PIK3C2G: variants seen among roughly 807,000 people sequenced by gnomAD.
PIK3C2G encodes the protein phosphatidylinositol-4-phosphate 3-kinase catalytic subunit type 2 gamma, also known as phosphatidylinositol 3-kinase C2 domain-containing subunit gamma.
Under a neutral mutation model 181.1 loss-of-function variants are expected in PIK3C2G, and 168 were observed. That is an observed-to-expected ratio of 0.93 (90% confidence interval 0.82 to 1.05). PIK3C2G has a LOEUF of 1.05. Among genes scored for constraint, PIK3C2G ranks in the 50% least tolerant of loss-of-function variants. PIK3C2G has a pLI of 0.00. For synonymous variants in PIK3C2G, 573 were observed against 592.2 expected, an observed-to-expected ratio of 0.97 and a Z score of 0.47; for missense variants, 1,869 against 1,732.8, an observed-to-expected ratio of 1.08 and a Z score of -1.40.
Position 18,277,025 on chromosome 12 carries a change from C to T in PIK3C2G, c.-78-4979C>T, listed in dbSNP as rs570462965. ...TAAAGATTAATGTTTTCCCCAAGCA[C>T]CTCTTGTCTTCACTTAAATAAAAAT... On this transcript the variant is annotated intron_variant, in intron 1 of 32. Transcript: ENST00000538779. Among the ~76,000 whole-genome samples the T allele has an allele frequency of 1.7e-4, 26 of 152,170 alleles. No individual in the cohort carries two copies. In the South Asian group the frequency reaches 5.4e-3, roughly 32 times the overall value.
the PIK3C2G span, among the ~76,000 whole-genome samples, chr12:18,697,556 G>A: frequency 6.6e-6 from 1 of 152,032 alleles, no homozygotes; most frequent in African/African-American, 2.4e-5. Flanking sequence ...AAATAAACAT[G>A]TTTGTTATTA....
upstream of PIK3C2G, among the ~76,000 whole-genome samples, chr12:18,243,192 T>TTGTG (rs1161015726): frequency 9.4e-6 from 1 of 106,236 alleles, no homozygotes; most frequent in African/African-American, 3.9e-5. Context: ...TATAAAGTCT[T>TTGTG]TCTGTGTGTG....
intron 16 of PIK3C2G, among the ~76,000 whole-genome samples, chr12:18,402,501 G>A (rs2138145958): frequency 6.6e-6 from 1 of 152,202 alleles, no homozygotes; most frequent in Admixed American, 6.5e-5. Context: ...AAATGGGGTG[G>A]ATTGTATGGT....
At chr12:18,687,046 C>T in the PIK3C2G span, among the ~76,000 whole-genome samples, 2 of 152,176 alleles carry the variant, frequency 1.3e-5, no homozygotes, top group East Asian at 1.9e-4. Flanking sequence ...ATGACATCAG[C>T]AGTTACTATC....
rs754997674 is a variant in PIK3C2G, at chr12:18,424,722, G to A, written c.2504+683G>A. On this transcript the variant is annotated intron_variant, in intron 18 of 32. Transcript: ENST00000538779. Reference sequence around the variant, plus strand: ...CTTGTCAGTTGGACAGTTGCTAGTGGAGACTAACGAATGCTAAAGGTGAAG... The same window carrying A: ...CTTGTCAGTTGGACAGTTGCTAGTGAAGACTAACGAATGCTAAAGGTGAAG... The A allele has an allele frequency of 1.4e-5, 3 of 213,380 alleles. 1 individual carries two copies. The highest frequency in any genetic ancestry group is 8.6e-5 in the Admixed American group (2 of 23,250). 13.2% of individuals were successfully genotyped at this position (213,380 alleles called of 1,614,324 possible).
intron 21 of PIK3C2G, among the ~76,000 whole-genome samples, chr12:18,496,823 G>A (rs1018353758): frequency 6.6e-6 from 1 of 152,130 alleles, no homozygotes; most frequent in Admixed American, 6.5e-5. Flanking sequence ...AGGATAATGA[G>A]TAGTGTGCCC....
chr12:18,272,729 T>C (rs1267032896), intron 1 of PIK3C2G, among the ~76,000 whole-genome samples: 2 of 152,174 alleles, frequency 1.3e-5, no homozygotes, highest in Non-Finnish European at 2.9e-5. Context: ...AGAGCCTCTT[T>C]GAGTTAGCTC....
At chr12:18,277,423 C>T (rs60989288) in intron 1 of PIK3C2G, among the ~76,000 whole-genome samples, 2 of 152,246 alleles carry the variant, frequency 1.3e-5, no homozygotes, top group South Asian at 2.1e-4. Context: ...TCCTTTCCAC[C>T]TCACTAAAAA....
intron 31 of PIK3C2G, among the ~76,000 whole-genome samples, chr12:18,629,271 C>T (rs1204543465): frequency 6.6e-6 from 1 of 152,176 alleles, no homozygotes; most frequent in African/African-American, 2.4e-5. Context: ...TGAGAGAGGG[C>T]ACAGGAATAC....
intron 6 of PIK3C2G, chr12:18,314,518 C>G (rs1311505195): frequency 1.3e-5 from 2 of 153,906 alleles, no homozygotes; most frequent in African/African-American, 4.8e-5. Flanking sequence ...TCTCTTTCCT[C>G]TCACTAGGTT....
intron 24 of PIK3C2G, among the ~76,000 whole-genome samples, chr12:18,520,908 C>T (rs555684782): frequency 4.0e-4 from 61 of 152,126 alleles, no homozygotes; most frequent in African/African-American, 1.4e-3. Context: ...GTCTGCTGAC[C>T]CTTGGATGGG....
intron 15 of PIK3C2G, among the ~76,000 whole-genome samples, chr12:18,393,504 C>G (rs942110992): frequency 5.3e-5 from 8 of 151,716 alleles, no homozygotes; most frequent in African/African-American, 1.9e-4. Context: ...TGAAAATATG[C>G]CTGTGATATT....
chr12:18,549,441 T>C (rs1256451229), intron 26 of PIK3C2G, among the ~76,000 whole-genome samples: 1 of 152,076 alleles, frequency 6.6e-6, no homozygotes, highest in Non-Finnish European at 1.5e-5. Flanking sequence ...TAAGTGCTTT[T>C]CTTACAGTAA....
intron 15 of PIK3C2G, among the ~76,000 whole-genome samples, chr12:18,399,429 C>A (rs1944114693): frequency 6.7e-6 from 1 of 149,758 alleles, no homozygotes; most frequent in Non-Finnish European, 1.5e-5. Context: ...TGTGAGTTAT[C>A]TGAATTGATG....
chr12:18,491,389 C>G, intron 19 of PIK3C2G, 62 bp from the exon 20 acceptor site: 1 of 862,414 alleles, frequency 1.2e-6, no homozygotes. Flanking sequence ...AAAATTATAA[C>G]CTGAAGGAAA....
chr12:18,321,465 T>C (rs1303068862), intron 7 of PIK3C2G, among the ~76,000 whole-genome samples: 4 of 152,222 alleles, frequency 2.6e-5, no homozygotes, highest in Admixed American at 2.6e-4. Context: ...GAAAACTTGA[T>C]TGACAACAAA....
At chr12:18,290,819 T>G in intron 3 of PIK3C2G, 36 bp from the exon 4 acceptor site, 1 of 1,380,504 alleles carries the variant, frequency 7.2e-7, no homozygotes, top group Non-Finnish European at 1.0e-6. Flanking sequence ...CTTGCAGGTC[T>G]TGTCCTAAGT....
intron 31 of PIK3C2G, among the ~76,000 whole-genome samples, chr12:18,610,389 A>G (rs992675884): frequency 6.6e-6 from 1 of 152,116 alleles, no homozygotes; most frequent in Non-Finnish European, 1.5e-5. Flanking sequence ...CTTTGGAAGG[A>G]TCTAAAAGAG....
At chr12:18,458,943 G>A (rs1185308361) in intron 18 of PIK3C2G, among the ~76,000 whole-genome samples, 1 of 151,626 alleles carries the variant, frequency 6.6e-6, no homozygotes, top group Non-Finnish European at 1.5e-5. Flanking sequence ...AACAAGCATA[G>A]AAGTGAGTAT....
Sources: gnomAD v4.1 joint callset for allele counts (sites outside exome capture counted in the v4.1 genomes callset) on GRCh38, gnomAD v4.1.1 for gene constraint, MANE v1.5 for transcripts, NCBI Gene and HGNC (gene_info 2026-07-23, HGNC 2026-07-21) for gene names.